Variants in PCDH7 observed in about 807,000 individuals in gnomAD.
The protein encoded by PCDH7 is protocadherin-7.
PCDH7 carries 17 observed loss-of-function variants against 58.9 expected under a neutral mutation model. The observed-to-expected ratio is 0.29, with a 90% CI of 0.20 to 0.43. The LOEUF is 0.43. Among genes scored for constraint, PCDH7 ranks in the 20% least tolerant of loss-of-function variants. PCDH7 has a pLI of 1.00. For missense variants in PCDH7, 1,274 were observed against 1,441.0 expected (o/e 0.88, Z 1.88); for synonymous variants, 664 against 616.4 (o/e 1.08, Z -1.14).
chr4:30,903,453 A>AT (rs985957291), intron 1 of PCDH7, among the ~76,000 whole-genome samples: 70 of 148,622 alleles, frequency 4.7e-4, no homozygotes, highest in South Asian at 8.5e-4. Flanking sequence ...AAGTTCCTGG[A>AT]TTTTTTTTTT....
At position 30,875,896 on chromosome 4, in the gene PCDH7, G is replaced by T. The variant is rs909826358; in HGVS notation, c.71-44257G>T. ...ATTAATTTCAACAGGATCTGTGAAC[G>T]TTTTCTTCTGTCATGTGAGATAGAG... On this transcript the variant is annotated intron_variant, in intron 1 of 3. Coordinates refer to the PCDH7 transcript ENST00000509759. Among the ~76,000 whole-genome samples the T allele has an allele frequency of 3.3e-5, 5 of 152,178 alleles. No homozygotes were observed. The South Asian group carries it at 8.3e-4, about 25-fold the overall frequency.
At chr4:30,931,902 T>C (rs1744651016) in intron 2 of PCDH7, among the ~76,000 whole-genome samples, 1 of 151,932 alleles carries the variant, frequency 6.6e-6, no homozygotes, top group Admixed American at 6.6e-5. Context: ...TTGCTGTCTT[T>C]TCTTGAGTGA....
intron 3 of PCDH7, among the ~76,000 whole-genome samples, chr4:30,997,154 T>C (rs987199714): frequency 6.6e-6 from 1 of 152,222 alleles, no homozygotes; most frequent in Non-Finnish European, 1.5e-5. Context: ...GTGATCTTTA[T>C]GGGAAAATTT....
chr4:31,084,138 T>G lies in PCDH7; in HGVS notation c.*8-58335T>G, dbSNP rs1482222160. ...TAAAAAATACCACTACTATTTCAGA[T>G]GTAACTATATTTAGAATAAATCTGA... On this transcript the variant is annotated intron_variant, in intron 3 of 3. Transcript: ENST00000509759. Among the ~76,000 whole-genome samples the G allele has an allele frequency of 3.9e-5, 6 of 152,340 alleles. No homozygotes were observed. In the East Asian group the frequency reaches 1.2e-3, roughly 29 times the overall value.
intron 3 of PCDH7, among the ~76,000 whole-genome samples, chr4:31,108,734 CA>C (rs1309807908): frequency 2.0e-5 from 3 of 151,942 alleles, no homozygotes; most frequent in Admixed American, 6.6e-5. Flanking sequence ...AGGATCAATT[CA>C]TTTTTTTTTT....
intron 3 of PCDH7, among the ~76,000 whole-genome samples, chr4:31,114,175 A>T (rs1716705519): frequency 1.3e-5 from 2 of 152,110 alleles, no homozygotes; most frequent in South Asian, 4.1e-4. Context: ...AATGTTTTGT[A>T]TTATTCTATC....
intron 1 of PCDH7, among the ~76,000 whole-genome samples, chr4:30,860,019 T>C (rs1300802990): frequency 1.3e-5 from 2 of 152,076 alleles, no homozygotes; most frequent in Admixed American, 6.6e-5. Flanking sequence ...ATTCCAAAAG[T>C]AGTGAAAAAA....
intron 1 of PCDH7, among the ~76,000 whole-genome samples, chr4:30,851,589 A>G (rs1732753340): frequency 6.6e-6 from 1 of 152,068 alleles, no homozygotes; most frequent in Admixed American, 6.6e-5. Flanking sequence ...TCTGAGCTTC[A>G]GTTGCTTCAT....
intron 3 of PCDH7, among the ~76,000 whole-genome samples, chr4:31,079,804 C>T (rs2109266735): frequency 6.6e-6 from 1 of 152,054 alleles, no homozygotes; most frequent in South Asian, 2.1e-4. Flanking sequence ...TCTAGATCAA[C>T]ACATTTGGGT....
intron 3 of PCDH7, among the ~76,000 whole-genome samples, chr4:31,130,914 T>C (rs1718904079): frequency 6.6e-6 from 1 of 152,138 alleles, no homozygotes; most frequent in Admixed American, 6.6e-5. Flanking sequence ...TTAGCAACCA[T>C]GGCAAAGGGG....
intron 1 of PCDH7, among the ~76,000 whole-genome samples, chr4:30,727,169 C>A (rs1015873170): frequency 3.3e-5 from 5 of 151,990 alleles, no homozygotes; most frequent in African/African-American, 1.2e-4. Flanking sequence ...TTTCATTTTA[C>A]ATTCATTTTA....
intron 3 of PCDH7, among the ~76,000 whole-genome samples, chr4:30,966,333 T>C (rs1158945717): frequency 1.3e-5 from 2 of 152,204 alleles, no homozygotes; most frequent in Non-Finnish European, 2.9e-5. Flanking sequence ...TTACATTCTT[T>C]TCCTATCCAT....
At chr4:31,106,136 A>T (rs550887405) in intron 3 of PCDH7, among the ~76,000 whole-genome samples, 2 of 152,206 alleles carry the variant, frequency 1.3e-5, no homozygotes, top group African/African-American at 4.8e-5. Flanking sequence ...CAAAACAAAA[A>T]TTCAAAGTAT....
At chr4:31,140,811 T>C (rs1293022207) in intron 3 of PCDH7, among the ~76,000 whole-genome samples, 1 of 152,180 alleles carries the variant, frequency 6.6e-6, no homozygotes, top group Admixed American at 6.5e-5. Context: ...AAGTACTTTT[T>C]TCTTTTGATG....
At chr4:30,783,942 A>G (rs1011114185) in intron 1 of PCDH7, among the ~76,000 whole-genome samples, 5 of 150,302 alleles carry the variant, frequency 3.3e-5, no homozygotes, top group Admixed American at 2.0e-4. Flanking sequence ...TTGTTTGTGT[A>G]TGTGTGTGTG....
intron 1 of PCDH7, among the ~76,000 whole-genome samples, chr4:30,859,689 C>G (rs1332816931): frequency 1.3e-5 from 2 of 152,092 alleles, no homozygotes; most frequent in Non-Finnish European, 2.9e-5. Context: ...ATCCACCAGC[C>G]TCGACCCCGC....
At chr4:31,105,981 T>A (rs1343703339) in intron 3 of PCDH7, among the ~76,000 whole-genome samples, 1 of 150,528 alleles carries the variant, frequency 6.6e-6, no homozygotes, top group Non-Finnish European at 1.5e-5. Flanking sequence ...CACTCCAGCC[T>A]AGGTGACAGA....
At chr4:30,737,123 G>A (rs1716414084), downstream of PCDH7, among the ~76,000 whole-genome samples, 1 of 152,126 alleles carries the variant, frequency 6.6e-6, no homozygotes. Flanking sequence ...TGATTGGCTG[G>A]TGTGACCTTG....
At chr4:30,871,713 C>A (rs1309545990) in intron 1 of PCDH7, among the ~76,000 whole-genome samples, 1 of 151,956 alleles carries the variant, frequency 6.6e-6, no homozygotes, top group Admixed American at 6.6e-5. Context: ...TGATACAAAA[C>A]GGGTGGCACA....
Sources: gnomAD v4.1 joint callset for allele counts (sites outside exome capture counted in the v4.1 genomes callset) on GRCh38, gnomAD v4.1.1 for gene constraint, MANE v1.5 for transcripts, NCBI Gene and HGNC (gene_info 2026-07-23, HGNC 2026-07-21) for gene names.